Variants in EHD1 observed in about 807,000 individuals in gnomAD.
The protein encoded by EHD1 is EH domain-containing protein 1.
EHD1 carries 19 observed loss-of-function variants against 39.0 expected under a neutral mutation model. The ratio of observed to expected loss-of-function variants is 0.49; its 90% confidence interval spans 0.34 to 0.72. The LOEUF is 0.72. EHD1 is among the 30% of genes least tolerant of loss of function. EHD1 has a pLI of 0.01. For synonymous variants in EHD1, 323 were observed against 331.2 expected (o/e 0.98, Z 0.27); for missense variants, 542 against 751.5 (o/e 0.72, Z 3.26).
At chr11:64,866,645 C>T (rs956354191) in intron 2 of EHD1, among the ~76,000 whole-genome samples, 4 of 151,546 alleles carry the variant, frequency 2.6e-5, no homozygotes, top group African/African-American at 9.7e-5. Context: ...TGCCACTGCA[C>T]TCCCAGCCTG....
chr11:64,878,026 C>T, intron 1 of EHD1, 35 bp downstream of exon 1: 2 of 1,480,654 alleles, frequency 1.4e-6, no homozygotes, highest in South Asian at 1.4e-5. Context: ...GTGCCCCGGA[C>T]GCGCCCCCCG....
chr11:64,870,694 G>T (rs978718036), intron 2 of EHD1, among the ~76,000 whole-genome samples: 3 of 152,246 alleles, frequency 2.0e-5, no homozygotes, highest in Non-Finnish European at 2.9e-5. Flanking sequence ...CCCCGCCGGG[G>T]GATGACTCGG....
intron 1 of EHD1, among the ~76,000 whole-genome samples, chr11:64,876,938 G>C (rs1943891086): frequency 6.6e-6 from 1 of 152,244 alleles, no homozygotes; most frequent in Non-Finnish European, 1.5e-5. Flanking sequence ...TCTGTGCCTG[G>C]AGTAGGCCTG....
In EHD1 at chr11:64,854,279, C is replaced by G. The variant is rs373695316; in HGVS notation, c.*54G>C. 7.8e-6 allele frequency: 12 copies of G among 1,535,400 alleles called. No individual in the cohort carries two copies. The highest frequency in any genetic ancestry group is 7.3e-5 in the South Asian group (6 of 82,004). ...AGAAATGGTGAGGCTTCCCCTCCCC[C>G]CGTCTCTGCCTCCCGGCCGGGCGTG... On this transcript the variant is annotated 3_prime_UTR_variant, in exon 5 of 5. Transcript: ENST00000320631.
intron 1 of EHD1, chr11:64,875,718 C>G (rs547047154): frequency 3.3e-5 from 5 of 152,296 alleles, no homozygotes; most frequent in Non-Finnish European, 5.9e-5. Context: ...CAGGGGCCCA[C>G]GGGCAGAGGG....
chr11:64,874,917 C>A (rs1489453949), intron 1 of EHD1, among the ~76,000 whole-genome samples: 1 of 152,246 alleles, frequency 6.6e-6, no homozygotes, highest in Non-Finnish European at 1.5e-5. Flanking sequence ...GGCTAAATCT[C>A]CACACTGAAG....
At chr11:64,879,608 T>G, upstream of EHD1, 1 of 1,551,098 alleles carries the variant, frequency 6.4e-7, no homozygotes, top group Non-Finnish European at 8.7e-7. Flanking sequence ...CTACCTCCCC[T>G]TACCAGTTCC....
In EHD1 at chr11:64,859,984, C is replaced by A. The variant is rs1412867517; in HGVS notation, c.855G>T (p.Leu285=). The A allele has an allele frequency of 6.2e-7, 1 of 1,613,922 alleles. No individual in the cohort carries two copies. Among genetic ancestry groups the A allele is most frequent in the Admixed American group, 1.7e-5 (1 of 60,028 alleles). ...GCTTCCTGAGGGCGGCGTTTCGGGG[C>A]AGTGACTGGATGTCCTTGAAGAGGT... ...EQDLFKDIQS[L]PRNAALRKLN... is the part of the protein sequence containing the mutation. The change falls in exon 3 of 5, where the codon CTG becomes CTT. Residue 285 remains leucine, a synonymous_variant. Transcript: ENST00000320631.
In EHD1 at chr11:64,864,895, C is replaced by T. The variant is rs146935456; in HGVS notation, c.503-4559G>A. Reference sequence around the variant, plus strand: ...CAGCAAGGCCCCACTCCCCCCTCCCCCTGGATGGCTGGGGGGCCCTGGGGA... The same window carrying T: ...CAGCAAGGCCCCACTCCCCCCTCCCTCTGGATGGCTGGGGGGCCCTGGGGA... On this transcript the variant is annotated intron_variant, in intron 2 of 4. Transcript: ENST00000320631. Among the ~76,000 whole-genome samples the T allele has an allele frequency of 1.4e-4, 21 of 152,278 alleles. 1 individual carries two copies. Among genetic ancestry groups the T allele is most frequent in the African/African-American group, 4.6e-4 (19 of 41,560 alleles).
chr11:64,878,879 G>A, upstream of EHD1: 3 of 1,060,816 alleles, frequency 2.8e-6, no homozygotes, highest in African/African-American at 3.4e-5. Flanking sequence ...AAAGTGCTGC[G>A]GTTAGGAAGG....
rs747349369 is a variant in EHD1, at chr11:64,854,437, A to G, written c.1501T>C (p.Phe501Leu). Residue 501 changes from phenylalanine to leucine, a missense_variant, in exon 5 of 5, where the codon TTC (phenylalanine) becomes CTC (leucine). By Grantham distance (22) the Phe-to-Leu change is conservative (BLOSUM62 0). Coordinates refer to ENST00000320631, the MANE Select transcript of EHD1 (RefSeq NM_006795.4). ...DKDGLLDDEE[F>L]ALANHLIKVK... ...TTGATGAGGTGGTTGGCCAGCGCGA[A>G]CTCCTCGTCGTCCAGCAGCCCGTCC... The G allele has an allele frequency of 6.2e-7, 1 of 1,613,622 alleles. No individual in the cohort carries two copies. The highest frequency in any genetic ancestry group is 8.5e-7 in the Non-Finnish European group (1 of 1,179,828).
At chr11:64,864,278 C>T (rs1435218914) in intron 2 of EHD1, among the ~76,000 whole-genome samples, 1 of 152,258 alleles carries the variant, frequency 6.6e-6, no homozygotes, top group Non-Finnish European at 1.5e-5. Flanking sequence ...TGGTCGGAGA[C>T]AGCAGAGCTG....
At chr11:64,864,823 G>C (rs141109740) in intron 2 of EHD1, among the ~76,000 whole-genome samples, 3 of 152,176 alleles carry the variant, frequency 2.0e-5, no homozygotes, top group Non-Finnish European at 4.4e-5. Flanking sequence ...TGGCCTGGGA[G>C]TCAGGACGGC....
chr11:64,875,045 G>A (rs773195989), intron 1 of EHD1, among the ~76,000 whole-genome samples: 5 of 152,224 alleles, frequency 3.3e-5, no homozygotes, highest in Non-Finnish European at 7.3e-5. Context: ...GCTGGTAGAC[G>A]GTGGGACGGA....
At chr11:64,870,921 G>C (rs1943822185) in intron 2 of EHD1, among the ~76,000 whole-genome samples, 2 of 152,192 alleles carry the variant, frequency 1.3e-5, no homozygotes, top group Admixed American at 1.3e-4. Context: ...GGCAGCCCAA[G>C]AGACCCCAAC....
chr11:64,877,747 G>A (rs1943900370), intron 1 of EHD1: 1 of 318,932 alleles, frequency 3.1e-6, no homozygotes, highest in Non-Finnish European at 5.7e-6. Flanking sequence ...AAGGAGCGCA[G>A]GAATGGCTCA....
chr11:64,869,731 G>A (rs1199587926), intron 2 of EHD1, among the ~76,000 whole-genome samples: 1 of 152,240 alleles, frequency 6.6e-6, no homozygotes, highest in African/African-American at 2.4e-5. Flanking sequence ...CTGAATCCAA[G>A]AGGGACACAG....
At chr11:64,865,120 AG>A (rs1415905695) in intron 2 of EHD1, among the ~76,000 whole-genome samples, 2 of 152,232 alleles carry the variant, frequency 1.3e-5, no homozygotes, top group Admixed American at 6.5e-5. Context: ...TTTTGCTGTG[AG>A]GGAAACACAG....
chr11:64,867,149 T>A (rs1002108948), intron 2 of EHD1, among the ~76,000 whole-genome samples: 10 of 152,218 alleles, frequency 6.6e-5, no homozygotes, highest in Non-Finnish European at 2.9e-5. Context: ...CCGGGCGCAG[T>A]GGCTCACACC....
Sources: allele counts gnomAD v4.1 joint callset (sites outside exome capture counted in the v4.1 genomes callset), GRCh38; gene constraint gnomAD v4.1.1; transcripts MANE v1.5; gene names NCBI Gene and HGNC (gene_info 2026-07-23, HGNC 2026-07-21).